TRIQK: variants seen among roughly 807,000 people sequenced by gnomAD.
The protein encoded by TRIQK is triple QxxK/R motif-containing protein.
In TRIQK, 10 loss-of-function variants were observed where a neutral mutation model predicts 10.8. The ratio of observed to expected loss-of-function variants is 0.92; its 90% CI spans 0.57 to 1.57. The LOEUF is 1.57. Ranked by LOEUF, TRIQK falls within the 40% of genes most tolerant of loss-of-function variation. TRIQK has a pLI of 0.00. For missense variants in TRIQK, 107 were observed against 97.7 expected, an observed-to-expected ratio of 1.09 and a Z score of -0.40; for synonymous variants, 33 against 33.7, an observed-to-expected ratio of 0.98 and a Z score of 0.07.
chr8:92,920,760 C>G (rs1810137297), intron 2 of TRIQK, among the ~76,000 whole-genome samples: 1 of 151,710 alleles, frequency 6.6e-6, no homozygotes, highest in African/African-American at 2.4e-5. Flanking sequence ...AAGAAGGTTA[C>G]TAAAATGTGA....
intron 1 of TRIQK, among the ~76,000 whole-genome samples, chr8:93,015,973 C>T (rs981392736): frequency 2.0e-5 from 3 of 152,010 alleles, no homozygotes; most frequent in Non-Finnish European, 4.4e-5. Flanking sequence ...ACAGAACTTT[C>T]CTGAGCTATG....
intron 1 of TRIQK, among the ~76,000 whole-genome samples, chr8:92,975,145 TC>T (rs1384089384): frequency 3.3e-5 from 5 of 152,200 alleles, no homozygotes; most frequent in Non-Finnish European, 7.3e-5. Flanking sequence ...TCTCATGGCC[TC>T]CCCAGTTTCC....
chr8:92,909,667 C>T (rs1809466338), intron 3 of TRIQK, among the ~76,000 whole-genome samples: 1 of 151,594 alleles, frequency 6.6e-6, no homozygotes, highest in Non-Finnish European at 1.5e-5. Context: ...AAAGATAAAC[C>T]AAGTTGCTCA....
chr8:92,921,024 G>A (rs139395628), intron 2 of TRIQK, among the ~76,000 whole-genome samples: 2 of 151,750 alleles, frequency 1.3e-5, no homozygotes, highest in East Asian at 1.9e-4. Context: ...CAGTGGTCTC[G>A]TGAGCAGAGG....
At chr8:93,007,468 C>G (rs188881227) in intron 1 of TRIQK, among the ~76,000 whole-genome samples, 1 of 152,290 alleles carries the variant, frequency 6.6e-6, no homozygotes, top group Admixed American at 6.5e-5. Flanking sequence ...GCCAGAGTGC[C>G]TCTTCTCCAA....
At chr8:92,892,419 T>C (rs1181925653) in intron 3 of TRIQK, among the ~76,000 whole-genome samples, 1 of 151,980 alleles carries the variant, frequency 6.6e-6, no homozygotes, top group Non-Finnish European at 1.5e-5. Context: ...TGTAAGATCC[T>C]ATTAACAGCT....
chr8:92,900,010 G>C (rs1432200847), intron 3 of TRIQK, among the ~76,000 whole-genome samples: 1 of 152,094 alleles, frequency 6.6e-6, no homozygotes, highest in Non-Finnish European at 1.5e-5. Flanking sequence ...TAATGATTTT[G>C]AGCATGTTTT....
At chr8:92,956,021 C>G (rs974012371) in intron 1 of TRIQK, among the ~76,000 whole-genome samples, 9 of 151,656 alleles carry the variant, frequency 5.9e-5, no homozygotes, top group Admixed American at 4.6e-4. Flanking sequence ...CAAAAATGCA[C>G]GGAGTTACCA....
At chr8:92,977,988 G>A (rs76425147) in intron 1 of TRIQK, among the ~76,000 whole-genome samples, 1 of 151,994 alleles carries the variant, frequency 6.6e-6, no homozygotes, top group African/African-American at 2.4e-5. Context: ...ACCATGTGTT[G>A]GTCTTATGGA....
intron 3 of TRIQK, among the ~76,000 whole-genome samples, chr8:92,905,638 G>A (rs1809214661): frequency 6.6e-6 from 1 of 152,128 alleles, no homozygotes; most frequent in Non-Finnish European, 1.5e-5. Context: ...AGTTCCTAGA[G>A]TTGAGTAGAG....
At chr8:92,934,882 C>T (rs1472074850) in intron 2 of TRIQK, among the ~76,000 whole-genome samples, 1 of 151,722 alleles carries the variant, frequency 6.6e-6, no homozygotes, top group Non-Finnish European at 1.5e-5. Flanking sequence ...AAGCACTAGG[C>T]TATTAGCTAA....
chr8:92,976,634 T>C (rs908743822), intron 1 of TRIQK, among the ~76,000 whole-genome samples: 2 of 152,022 alleles, frequency 1.3e-5, no homozygotes, highest in Admixed American at 6.6e-5. Context: ...TTTATGTTAC[T>C]GTGATTGCTG....
intron 3 of TRIQK, among the ~76,000 whole-genome samples, chr8:92,896,532 G>T (rs533704696): frequency 7.2e-4 from 110 of 152,226 alleles, no homozygotes; most frequent in African/African-American, 2.5e-3. Flanking sequence ...GAAAGAACCA[G>T]TCAAGAGACT....
chr8:92,991,638 T>C (rs1385253583), intron 1 of TRIQK, among the ~76,000 whole-genome samples: 1 of 152,154 alleles, frequency 6.6e-6, no homozygotes, highest in East Asian at 1.9e-4. Flanking sequence ...AACATAGTAT[T>C]GGAAGTTCCG....
At chr8:92,945,093 G>A (rs1286594403) in intron 2 of TRIQK, among the ~76,000 whole-genome samples, 1 of 152,144 alleles carries the variant, frequency 6.6e-6, no homozygotes, top group Non-Finnish European at 1.5e-5. Context: ...AATTTTTAAA[G>A]AAGCTGGCCA....
chr8:93,001,305 CAAAA>C (rs1229891736), intron 1 of TRIQK, among the ~76,000 whole-genome samples: 1 of 78,846 alleles, frequency 1.3e-5, no homozygotes. Flanking sequence ...GACTCCATCT[CAAAA>C]AAAAAAAAAA....
At chr8:92,960,090 C>A (rs888562247) in intron 1 of TRIQK, among the ~76,000 whole-genome samples, 2 of 151,966 alleles carry the variant, frequency 1.3e-5, no homozygotes, top group African/African-American at 4.8e-5. Flanking sequence ...AAAAAAGGCC[C>A]TTTCTTCCTT....
rs1000284090 is a variant in TRIQK at position 92,925,948 on chromosome 8, C to T, written c.-21-8938G>A. Among the ~76,000 whole-genome samples the T allele has an allele frequency of 5.9e-5, 9 of 152,116 alleles. No homozygotes were observed. The South Asian group carries it at 6.2e-4, about 11-fold the overall frequency. ...TAGTTGAAAATTGGGGGCATGGTGG[C>T]GGGTGCCTGTGGTCCCAGCTACTAG... is the stretch of plus-strand genomic sequence containing the variant. On this transcript the variant is annotated intron_variant, in intron 2 of 4. Coordinates refer to ENST00000521988, the MANE Select transcript of TRIQK (RefSeq NM_001171797.2).
At chr8:92,900,685 T>C (rs190902087) in intron 3 of TRIQK, among the ~76,000 whole-genome samples, 7 of 152,176 alleles carry the variant, frequency 4.6e-5, no homozygotes, top group Non-Finnish European at 1.5e-5. Context: ...ATTCTTCCAG[T>C]TTTGTTCTTT....
Sources: allele counts gnomAD v4.1 joint callset (sites outside exome capture counted in the v4.1 genomes callset), GRCh38; gene constraint gnomAD v4.1.1; transcripts MANE v1.5; gene names NCBI Gene and HGNC (gene_info 2026-07-23, HGNC 2026-07-21).